SNX1: variants seen among roughly 807,000 people sequenced by gnomAD.
The protein encoded by SNX1 is sorting nexin 1.
A neutral mutation model predicts 71.8 loss-of-function variants in SNX1; 36 were observed. That is an observed-to-expected ratio of 0.50 (90% confidence interval 0.38 to 0.66). SNX1 has a LOEUF of 0.66. SNX1 is among the 30% of genes least tolerant of loss of function. The pLI is 0.00. For missense variants in SNX1, 612 were observed against 646.7 expected, an observed-to-expected ratio of 0.95 and a Z score of 0.58; for synonymous variants, 254 against 240.7, an observed-to-expected ratio of 1.06 and a Z score of -0.51.
chr15:64,119,231 G>A (rs755809467), intron 4 of SNX1, among the ~76,000 whole-genome samples: 2 of 151,916 alleles, frequency 1.3e-5, no homozygotes, highest in Non-Finnish European at 2.9e-5. Context: ...CAGTCCTCCC[G>A]CCTGAGCCAC....
rs1439395754 is a variant in SNX1 at position 64,096,108 on chromosome 15, C to T, written c.95C>T (p.Ser32Leu). ...GAGTCCGAGGGGGCGGCCGGGGGATCAGAACCCGAGGCTGGGGACAGCGAC... is the reference window on the plus strand; with the variant it reads ...GAGTCCGAGGGGGCGGCCGGGGGATTAGAACCCGAGGCTGGGGACAGCGAC... Reference protein sequence around the residue: ...EPESEGAAGGSEPEAGDSDTE... With the variant: ...EPESEGAAGGLEPEAGDSDTE... Residue 32 changes from serine to leucine, a missense_variant, in exon 1 of 15, where the codon TCA (serine) becomes TTA (leucine). Coordinates refer to ENST00000559844, the MANE Select transcript of SNX1 (RefSeq NM_003099.5). 6.4e-7 allele frequency: 1 copy of T among 1,562,962 alleles called. No homozygotes were observed. The highest frequency in any genetic ancestry group is 8.7e-7 in the Non-Finnish European group (1 of 1,155,366).
intron 2 of SNX1, among the ~76,000 whole-genome samples, 169 bp from the exon 3 acceptor site, chr15:64,117,948 C>G (rs1333751675): frequency 6.6e-6 from 1 of 152,112 alleles, no homozygotes; most frequent in Non-Finnish European, 1.5e-5. Flanking sequence ...AGAACACTTC[C>G]CTTACCTTCC....
rs374560896 is a variant in SNX1 at position 64,127,206 on chromosome 15, T to C, written c.685T>C (p.Ser229Pro). 178 of 1,613,476 alleles carry C rather than the reference T, an allele frequency of 1.1e-4. 2 individuals are homozygous for C. Among genetic ancestry groups the C allele is most frequent in the Non-Finnish European group, 9.5e-5 (112 of 1,179,644 alleles). The change falls in exon 7 of 15, where the codon TCT becomes CCT. Residue 229 changes from serine to proline, a missense_variant. Physicochemically the swap from Ser to Pro is moderately conservative, Grantham distance 74 (BLOSUM62 -1). Around this residue, in one of 2 missense-constraint regions of SNX1, gnomAD observed 316 missense variants for 284.9 expected, o/e 1.11. Transcript: ENST00000559844. ...AAAAGTGAAAGTTGGGAAGGAAGAT[T>C]CTTCTTCTGCAGAATTTCTTGAAAA... Reference protein sequence around the residue: ...MTKVKVGKEDSSSAEFLEKRR... With the variant: ...MTKVKVGKEDPSSAEFLEKRR...
chr15:64,104,568 C>T (rs1022902142), intron 1 of SNX1, among the ~76,000 whole-genome samples: 6 of 151,804 alleles, frequency 4.0e-5, no homozygotes, highest in South Asian at 2.1e-4. Context: ...CCACTGCGCC[C>T]GGCCCAGGGA....
chr15:64,100,486 G>A (rs369999784), intron 1 of SNX1, among the ~76,000 whole-genome samples: 10 of 151,846 alleles, frequency 6.6e-5, no homozygotes, highest in African/African-American at 2.4e-4. Flanking sequence ...TGTAATCCCA[G>A]CTGCTGTGGA....
intron 5 of SNX1, among the ~76,000 whole-genome samples, chr15:64,124,656 G>A (rs1235040447): frequency 6.6e-6 from 1 of 152,068 alleles, no homozygotes; most frequent in African/African-American, 2.4e-5. Flanking sequence ...ATTTTCTGCT[G>A]TCAACATGTT....
chr15:64,135,815 A>G (rs1018333808), intron 12 of SNX1, among the ~76,000 whole-genome samples: 1 of 151,474 alleles, frequency 6.6e-6, no homozygotes, highest in African/African-American at 2.4e-5. Context: ...CTAGCTACTC[A>G]GGAGGCTGAG....
intron 4 of SNX1, among the ~76,000 whole-genome samples, chr15:64,122,390 ATGGTTTC>A (rs1428822524): frequency 1.3e-5 from 2 of 152,112 alleles, no homozygotes; most frequent in Non-Finnish European, 2.9e-5. Context: ...AGTTTAGCTT[ATGGTTTC>A]TGTTTTATAT....
At chr15:64,114,472 A>G (rs1311777025) in intron 2 of SNX1, among the ~76,000 whole-genome samples, 1 of 152,266 alleles carries the variant, frequency 6.6e-6, no homozygotes, top group East Asian at 1.9e-4. Context: ...TTGGGAAAAA[A>G]GTAAGCTTTG....
chr15:64,098,922 G>A lies in SNX1; in HGVS notation c.159+2750G>A, dbSNP rs780414137. On this transcript the variant is annotated intron_variant, in intron 1 of 14. Coordinates refer to ENST00000559844, the MANE Select transcript of SNX1 (RefSeq NM_003099.5). ...TGATCTAGGAAAATTGAGTTGCTAAGGAAACTAAAATGCCACCTATAAGCC... is the reference window on the plus strand; with the variant it reads ...TGATCTAGGAAAATTGAGTTGCTAAAGAAACTAAAATGCCACCTATAAGCC... 1.3e-3 allele frequency among the ~76,000 whole-genome samples: 198 copies of A among 152,190 alleles called. 2 individuals are homozygous for A. The highest frequency in any genetic ancestry group is 1.1e-3 in the Non-Finnish European group (75 of 68,004).
In SNX1 at chr15:64,143,280, G is replaced by A. The variant is rs2081432936; in HGVS notation, c.*5662G>A. On this transcript the variant is annotated 3_prime_UTR_variant, in exon 15 of 15. Coordinates refer to ENST00000559844, the MANE Select transcript of SNX1 (RefSeq NM_003099.5). ...GGTCGTGCCTGATCTGAGATAAATG[G>A]ACAAGAACAACTGAAGCCTGTCTTC... 1 of 152,258 alleles carries A rather than the reference G, an allele frequency of 6.6e-6. No individual in the cohort carries two copies. The highest frequency in any genetic ancestry group is 2.4e-5 in the African/African-American group (1 of 41,418). The allele number at this position is 152,258 out of a possible 1,614,324, so 9.4% of individuals were successfully genotyped here.
At position 64,140,796 on chromosome 15, in the gene SNX1, G is replaced by C. The variant is rs545405113; in HGVS notation, c.*3178G>C. On this transcript the variant is annotated 3_prime_UTR_variant, in exon 15 of 15. Transcript: ENST00000559844. ...ATGGGGGTTTTACCATGTTGGGGAG[G>C]CTGGTCTCGAACTCCTGACCTCAGG... 1 of 152,190 alleles carries C rather than the reference G, an allele frequency of 6.6e-6. No individual in the cohort carries two copies. Among genetic ancestry groups the C allele is most frequent in the East Asian group, 1.9e-4 (1 of 5,170 alleles). The allele number at this position is 152,190 out of a possible 1,614,324, so 9.4% of individuals were successfully genotyped here. A position where few individuals can be genotyped will look rare whatever the true frequency, so the allele number is the denominator to read the frequency against.
chr15:64,132,010 T>A, intron 11 of SNX1, 118 bp downstream of exon 11: 1 of 1,021,904 alleles, frequency 9.8e-7, no homozygotes, highest in Non-Finnish European at 1.5e-6. Context: ...TCACTTTTTC[T>A]ACTTTTAAGA....
rs375079715 is a variant in SNX1, at chr15:64,119,753, C to A, written c.466+899C>A. Among the ~76,000 whole-genome samples, 762 of 149,544 alleles carry A rather than the reference C, an allele frequency of 5.1e-3. 9 individuals are homozygous for A. Among genetic ancestry groups the A allele is most frequent in the African/African-American group, 0.017 (684 of 40,848 alleles). Reference sequence around the variant, plus strand: ...AAAAAAAAAAACACACACACACACACAAAAAACATTATCTTCTCCTTCAGA... The same window carrying A: ...AAAAAAAAAAACACACACACACACAAAAAAAACATTATCTTCTCCTTCAGA... On this transcript the variant is annotated intron_variant, in intron 4 of 14. Transcript: ENST00000559844.
chr15:64,100,420 T>G (rs2080946972), intron 1 of SNX1, among the ~76,000 whole-genome samples: 1 of 151,960 alleles, frequency 6.6e-6, no homozygotes, highest in African/African-American at 2.4e-5. Context: ...GCCAACATGG[T>G]GAAACCCTGT....
intron 4 of SNX1, among the ~76,000 whole-genome samples, chr15:64,122,917 A>C (rs2081210228): frequency 2.6e-5 from 4 of 152,130 alleles, no homozygotes; most frequent in Admixed American, 2.6e-4. Flanking sequence ...TTTGTGTGAC[A>C]TTAGGCAGCC....
Position 64,129,262 on chromosome 15 carries a change from G to T in SNX1, c.808-654G>T, listed in dbSNP as rs1596001182. On this transcript the variant is annotated intron_variant, in intron 8 of 14. Transcript: ENST00000559844. This position sits in a 1 kb window ranked among gnomAD's most constrained non-coding sequence, Gnocchi z 4.4. ...GACTCCGTCTCAAAAAAAAAAAAAA[G>T]AACTACTGCCATAGAGTCCTGAACA... Among the ~76,000 whole-genome samples the T allele has an allele frequency of 1.3e-5, 2 of 150,522 alleles. No homozygotes were observed. Among genetic ancestry groups the T allele is most frequent in the Non-Finnish European group, 3.0e-5 (2 of 67,660 alleles).
At chr15:64,132,074 T>C (rs776828965) in intron 11 of SNX1, among the ~76,000 whole-genome samples, 182 bp downstream of exon 11, 5 of 152,242 alleles carry the variant, frequency 3.3e-5, no homozygotes, top group Non-Finnish European at 5.9e-5. Flanking sequence ...TAGTTATCAC[T>C]GAATCATTTT....
chr15:64,099,480 G>A (rs2080936367), intron 1 of SNX1, among the ~76,000 whole-genome samples: 1 of 152,176 alleles, frequency 6.6e-6, no homozygotes, highest in Admixed American at 6.5e-5. Flanking sequence ...GGGTAATACA[G>A]TTGATCAAAG....
Sources: allele counts gnomAD v4.1 joint callset (sites outside exome capture counted in the v4.1 genomes callset), GRCh38; gene constraint gnomAD v4.1.1; regional missense constraint gnomAD v4.1.1; non-coding constraint Gnocchi (gnomAD v3.1); transcripts MANE v1.5; gene names NCBI Gene and HGNC (gene_info 2026-07-23, HGNC 2026-07-21).